The following STON1 variants were observed in gnomAD, a reference collection of about 807,000 sequenced individuals.
The protein encoded by STON1 is stonin 1, also known as stonin-1.
STON1 carries 79 observed loss-of-function variants against 60.9 expected under a neutral mutation model. The observed-to-expected ratio is 1.30, with a 90% CI of 1.08 to 1.56. The LOEUF (loss-of-function observed/expected upper bound fraction) is 1.56, where lower values mean the gene tolerates loss of function less well. STON1 is among the 40% of genes most tolerant of loss of function. The pLI is 0.00. For synonymous variants in STON1, 363 were observed against 306.9 expected (o/e 1.18, Z -1.91); for missense variants, 1,166 against 858.9 (o/e 1.36, Z -4.47).
chr2:48,571,038 T>A (rs1398577745), intron 1 of STON1, among the ~76,000 whole-genome samples: 5 of 151,984 alleles, frequency 3.3e-5, no homozygotes, highest in African/African-American at 7.3e-5. Context: ...GTATTTTTGG[T>A]AGAGACAGGG....
intron 1 of STON1, 104 bp from the exon 2 acceptor site, chr2:48,580,483 C>T: frequency 3.5e-6 from 4 of 1,158,644 alleles, no homozygotes; most frequent in Non-Finnish European, 4.4e-6. Flanking sequence ...TAGCCACCAA[C>T]AGAATTATAA....
intron 1 of STON1, among the ~76,000 whole-genome samples, chr2:48,567,364 G>T (rs1349125707): frequency 6.6e-6 from 1 of 152,048 alleles, no homozygotes; most frequent in African/African-American, 2.4e-5. Flanking sequence ...CCAAACTTTC[G>T]CTTTCCCCTT....
chr2:48,543,957 G>T (rs557024497), intron 1 of STON1, among the ~76,000 whole-genome samples: 1 of 152,322 alleles, frequency 6.6e-6, no homozygotes, highest in African/African-American at 2.4e-5. Flanking sequence ...TGAGGAGTAG[G>T]TGGGGGTAGG....
chr2:48,536,663 A>T (rs1225634492), intron 1 of STON1, among the ~76,000 whole-genome samples: 2 of 151,406 alleles, frequency 1.3e-5, no homozygotes, highest in East Asian at 3.9e-4. Flanking sequence ...GCCATCTTGG[A>T]TTTGACCAAT....
chr2:48,554,175 G>C (rs564631891), intron 1 of STON1, among the ~76,000 whole-genome samples: 1 of 152,202 alleles, frequency 6.6e-6, no homozygotes, highest in East Asian at 1.9e-4. Context: ...GAGATGACTT[G>C]GGCTTCCTGA....
intron 1 of STON1, among the ~76,000 whole-genome samples, chr2:48,566,161 G>C (rs1672932322): frequency 6.6e-6 from 1 of 152,120 alleles, no homozygotes; most frequent in Admixed American, 6.5e-5. Context: ...CATTTGTACA[G>C]AGGTGACTGG....
Position 48,597,726 on chromosome 2 carries a change from C to T in STON1, c.*2424C>T, listed in dbSNP as rs545976170. The T allele has an allele frequency of 2.0e-5, 3 of 152,736 alleles. No homozygotes were observed. In the South Asian group the frequency reaches 6.2e-4, roughly 32 times the overall value. The allele number at this position is 152,736 out of a possible 1,614,324, so 9.5% of individuals were successfully genotyped here. ...GTTACAGCATAATTGTTAATTCGCACATCTATTAGGATCCTTAAATATTCA... is the reference window on the plus strand; with the variant it reads ...GTTACAGCATAATTGTTAATTCGCATATCTATTAGGATCCTTAAATATTCA... On this transcript the variant is annotated 3_prime_UTR_variant, in exon 4 of 4. Transcript: ENST00000404752.
At chr2:48,564,987 C>T (rs1318889270) in intron 1 of STON1, among the ~76,000 whole-genome samples, 1 of 148,564 alleles carries the variant, frequency 6.7e-6, no homozygotes, top group African/African-American at 2.5e-5. Context: ...CCTGCCTCAG[C>T]CTTCCAAAGT....
chr2:48,546,990 T>C (rs1671888531), intron 1 of STON1, among the ~76,000 whole-genome samples: 1 of 152,210 alleles, frequency 6.6e-6, no homozygotes, highest in African/African-American at 2.4e-5. Flanking sequence ...AGTAGGTGCT[T>C]AGTGAGTTTC....
At chr2:48,543,856 C>G (rs1283918848) in intron 1 of STON1, among the ~76,000 whole-genome samples, 1 of 152,058 alleles carries the variant, frequency 6.6e-6, no homozygotes, top group Non-Finnish European at 1.5e-5. Flanking sequence ...AATGAAAAGA[C>G]CCCAGAGAGA....
chr2:48,551,110 C>G (rs1353975460), intron 1 of STON1, among the ~76,000 whole-genome samples: 1 of 152,056 alleles, frequency 6.6e-6, no homozygotes, highest in Non-Finnish European at 1.5e-5. Flanking sequence ...GGCATTCACT[C>G]TAAGCCAATC....
At chr2:48,544,312 A>G (rs1395001001) in intron 1 of STON1, among the ~76,000 whole-genome samples, 1 of 152,216 alleles carries the variant, frequency 6.6e-6, no homozygotes, top group African/African-American at 2.4e-5. Context: ...TCTGTGGCTC[A>G]GAGCACAAAA....
At chr2:48,585,243 G>C (rs1423461861) in intron 2 of STON1, among the ~76,000 whole-genome samples, 2 of 133,724 alleles carry the variant, frequency 1.5e-5, no homozygotes, top group Non-Finnish European at 3.3e-5. Context: ...GATGTTTCCT[G>C]CTTTCTTTTT....
intron 2 of STON1, among the ~76,000 whole-genome samples, chr2:48,584,499 C>G (rs1674084745): frequency 6.6e-6 from 1 of 151,982 alleles, no homozygotes; most frequent in Non-Finnish European, 1.5e-5. Context: ...AACTCCTGAC[C>G]TCAAGTGATC....
chr2:48,546,616 C>T (rs183067930), intron 1 of STON1, among the ~76,000 whole-genome samples: 33 of 152,306 alleles, frequency 2.2e-4, no homozygotes, highest in Admixed American at 5.2e-4. Context: ...AGAATTGTCT[C>T]CTAGACAGAA....
intron 2 of STON1, among the ~76,000 whole-genome samples, chr2:48,587,118 C>T (rs1354860754): frequency 6.6e-6 from 1 of 152,104 alleles, no homozygotes; most frequent in African/African-American, 2.4e-5. Flanking sequence ...GGGCCCCATC[C>T]CCTACTAATC....
intron 1 of STON1, among the ~76,000 whole-genome samples, chr2:48,563,887 A>G (rs913050465): frequency 1.3e-5 from 2 of 150,506 alleles, no homozygotes; most frequent in Non-Finnish European, 3.0e-5. Flanking sequence ...TTTAATGGAG[A>G]TGAGGTCTCA....
chr2:48,561,797 A>G (rs1672624803), intron 1 of STON1, among the ~76,000 whole-genome samples: 1 of 152,198 alleles, frequency 6.6e-6, no homozygotes, highest in East Asian at 1.9e-4. Flanking sequence ...AATGAATATT[A>G]ACCCAGGTTT....
chr2:48,563,775 C>T (rs189673114), intron 1 of STON1, among the ~76,000 whole-genome samples: 279 of 152,156 alleles, frequency 1.8e-3, no homozygotes, highest in African/African-American at 6.3e-3. Flanking sequence ...CTCAATGCAG[C>T]GTCAACCTTC....
Sources: allele counts gnomAD v4.1 joint callset (sites outside exome capture counted in the v4.1 genomes callset), GRCh38; gene constraint gnomAD v4.1.1; transcripts MANE v1.5; gene names NCBI Gene and HGNC (gene_info 2026-07-23, HGNC 2026-07-21).